PI4KB: variants seen among roughly 807,000 people sequenced by gnomAD.
The protein encoded by PI4KB is PtdIns 4-kinase beta.
In PI4KB, 23 loss-of-function variants were observed where a neutral mutation model predicts 81.4. The observed-to-expected ratio is 0.28, with a 90% CI of 0.20 to 0.40. The LOEUF (loss-of-function observed/expected upper bound fraction) is 0.40. Among genes scored for constraint, PI4KB ranks in the 10% least tolerant of loss-of-function variants. The pLI is 1.00. For missense variants in PI4KB, 651 were observed against 1,036.6 expected, an observed-to-expected ratio of 0.63 and a Z score of 5.11; for synonymous variants, 381 against 406.8, an observed-to-expected ratio of 0.94 and a Z score of 0.76.
intron 1 of PI4KB, among the ~76,000 whole-genome samples, chr1:151,323,142 CATAATT>C (rs1649089522): frequency 2.0e-5 from 3 of 152,164 alleles, no homozygotes; most frequent in Admixed American, 6.6e-5. Context: ...ATAAAAATGA[CATAATT>C]ATATAAATGA....
intron 6 of PI4KB, among the ~76,000 whole-genome samples, chr1:151,302,947 C>A (rs959196941): frequency 6.6e-6 from 1 of 151,756 alleles, no homozygotes; most frequent in Non-Finnish European, 1.5e-5. Context: ...CGCTTTGAGA[C>A]CCCACCTTGA....
At chr1:151,302,035 C>CA in intron 7 of PI4KB, 68 bp from the exon 8 acceptor site, 1 of 1,599,952 alleles carries the variant, frequency 6.3e-7, no homozygotes, top group Non-Finnish European at 8.5e-7. Flanking sequence ...ATGGCTTCCA[C>CA]AAAAAATCCC....
At chr1:151,293,353 C>T in intron 11 of PI4KB, 1 of 1,348,154 alleles carries the variant, frequency 7.4e-7, no homozygotes, top group South Asian at 1.3e-5. Flanking sequence ...CTGAGCTGGG[C>T]ACTTATCTGG....
At position 151,302,828 on chromosome 1, in the gene PI4KB, C is replaced by G. The variant is rs371306651; in HGVS notation, c.1521-530G>C. ...TCGATCTCCTGACCTTATGATCTAC[C>G]CGCCTCAGCCTCCCAAAGTGTTGGG... On this transcript the variant is annotated intron_variant, in intron 6 of 11. Transcript: ENST00000368873. 7.9e-5 allele frequency among the ~76,000 whole-genome samples: 12 copies of G among 151,624 alleles called. No individual in the cohort carries two copies. The South Asian group carries it at 2.5e-3, about 32-fold the overall frequency.
Position 151,306,331 on chromosome 1 carries a change from T to C in PI4KB, c.1215A>G (p.Glu405=), listed in dbSNP as rs769764576. The C allele has an allele frequency of 1.9e-6, 3 of 1,614,040 alleles. No individual in the cohort carries two copies. The South Asian group carries it at 3.3e-5, about 18-fold the overall frequency. The change falls in exon 5 of 12, where the codon GAA becomes GAG. Residue 405 remains glutamate (E), a synonymous_variant. Coordinates refer to ENST00000368873, the MANE Select transcript of PI4KB (RefSeq NM_001369623.2). The part of the protein sequence containing the change: ...APYLIYVEVL[E]CENFDTTSVP... ...CACTGGTGGTGTCAAAGTTTTCACA[T>C]TCAAGGACTTCCACATAAATCAGGT...
At chr1:151,301,648 C>T (rs945231671) in intron 8 of PI4KB, among the ~76,000 whole-genome samples, 196 bp downstream of exon 8, 35 of 152,200 alleles carry the variant, frequency 2.3e-4, no homozygotes, top group African/African-American at 8.4e-4. Context: ...CCACCCGCCT[C>T]GGCCTCCCAA....
intron 9 of PI4KB, among the ~76,000 whole-genome samples, chr1:151,297,547 T>C (rs890484353): frequency 4.6e-5 from 7 of 151,386 alleles, no homozygotes; most frequent in Non-Finnish European, 1.0e-4. Context: ...AAATTTTTTT[T>C]TTTTTTTGAG....
At chr1:151,312,659 T>C (rs1356802651) in intron 2 of PI4KB, among the ~76,000 whole-genome samples, 8 of 152,078 alleles carry the variant, frequency 5.3e-5, no homozygotes, top group Admixed American at 5.2e-4. Context: ...GAAGGATGAG[T>C]AAAAGGAAAA....
intron 1 of PI4KB, chr1:151,325,001 T>TC (rs1326362635): frequency 1.4e-6 from 1 of 695,154 alleles, no homozygotes; most frequent in East Asian, 1.3e-4. Flanking sequence ...TTTTTTTTTT[T>TC]TTTTTCCTGA....
At chr1:151,293,525 C>A in intron 11 of PI4KB, 1 of 789,442 alleles carries the variant, frequency 1.3e-6, no homozygotes, top group South Asian at 1.9e-5. Flanking sequence ...TGGTATACAC[C>A]TGGAGCCTTG....
intron 2 of PI4KB, among the ~76,000 whole-genome samples, chr1:151,312,750 A>G (rs768559611): frequency 2.0e-5 from 3 of 152,250 alleles, no homozygotes; most frequent in Non-Finnish European, 4.4e-5. Flanking sequence ...CTAGTCACTC[A>G]TGCCTGTAAT....
At chr1:151,324,902 G>A (rs1649389273) in intron 1 of PI4KB, 1 of 985,112 alleles carries the variant, frequency 1.0e-6, no homozygotes, top group Non-Finnish European at 1.2e-6. Flanking sequence ...CATTCTCATG[G>A]AGCGTGGACT....
intron 2 of PI4KB, 91 bp from the exon 3 acceptor site, chr1:151,310,346 C>T (rs1222806983): frequency 8.7e-6 from 7 of 803,910 alleles, no homozygotes; most frequent in Admixed American, 4.7e-5. Context: ...CAACTTGGAT[C>T]GTAACTGCTT....
At chr1:151,299,457 G>A (rs1393153257) in intron 8 of PI4KB, among the ~76,000 whole-genome samples, 1 of 152,130 alleles carries the variant, frequency 6.6e-6, no homozygotes, top group Non-Finnish European at 1.5e-5. Flanking sequence ...CAAGGAGGGC[G>A]GATCACCTGA....
rs1422586209 is a variant in PI4KB at position 151,321,082 on chromosome 1, G to C, written c.-28-4573C>G. 2.6e-5 allele frequency among the ~76,000 whole-genome samples: 4 copies of C among 152,156 alleles called. No homozygotes were observed. The South Asian group carries it at 8.3e-4, about 32-fold the overall frequency. Reference sequence around the variant, plus strand: ...CTCACAGACAAAAGAAAAACTCCCAGGGCTCAGCTAAGAATCACATCACAG... The same window carrying C: ...CTCACAGACAAAAGAAAAACTCCCACGGCTCAGCTAAGAATCACATCACAG... On this transcript the variant is annotated intron_variant, in intron 1 of 11. Coordinates refer to ENST00000368873, the MANE Select transcript of PI4KB (RefSeq NM_001369623.2).
chr1:151,316,414 C>T lies in PI4KB; in HGVS notation c.68G>A (p.Gly23Glu), dbSNP rs769663466. ...ACTTAGCAGGGACCCCCCATTATTC[C>T]CTGGTGGGCCAGAAGTGGGCTCAGA... The part of the protein sequence containing the change: ...PTSEPTSGPP[G>E]NNGGSLLSVI... The change falls in exon 2 of 12, where the codon GGG becomes GAG. Residue 23 changes from glycine (G) to glutamate (E), a missense_variant. Physicochemically the swap from Gly to Glu is moderately conservative, Grantham distance 98 (BLOSUM62 -2). Transcript: ENST00000368873. The T allele has an allele frequency of 2.5e-6, 4 of 1,589,570 alleles. No individual in the cohort carries two copies. The highest frequency in any genetic ancestry group is 1.7e-5 in the Admixed American group (1 of 57,406).
chr1:151,304,084 G>T (rs1488852987), intron 5 of PI4KB, among the ~76,000 whole-genome samples: 1 of 152,168 alleles, frequency 6.6e-6, no homozygotes, highest in Non-Finnish European at 1.5e-5. Flanking sequence ...GCTTCTGACA[G>T]TTTCTTCAAT....
At position 151,306,150 on chromosome 1, in the gene PI4KB, C is replaced by G; in HGVS notation, c.1396G>C (p.Glu466Gln). 6.2e-7 allele frequency: 1 copy of G among 1,613,884 alleles called. No homozygotes were observed. The highest frequency in any genetic ancestry group is 8.5e-7 in the Non-Finnish European group (1 of 1,179,774). Residue 466 changes from glutamate (E) to glutamine (Q), a missense_variant, in exon 5 of 12, where the codon GAG (glutamate) becomes CAG (glutamine). Transcript: ENST00000368873. ...DEAWSVDDIG[E>Q]LQVELPEVHT... is the part of the protein sequence containing the mutation. Reference sequence around the variant, plus strand: ...AGCCCTCTCACCTCCACTTGCAGCTCGCCTATGTCATCCACCGACCAGGCC... The same window carrying G: ...AGCCCTCTCACCTCCACTTGCAGCTGGCCTATGTCATCCACCGACCAGGCC...
intron 5 of PI4KB, among the ~76,000 whole-genome samples, chr1:151,305,194 G>A (rs1164255605): frequency 6.6e-6 from 1 of 152,208 alleles, no homozygotes; most frequent in African/African-American, 2.4e-5. Flanking sequence ...TCGAAATCCT[G>A]ACTTCAAGCG....
Sources: gnomAD v4.1 joint callset for allele counts (sites outside exome capture counted in the v4.1 genomes callset) on GRCh38, gnomAD v4.1.1 for gene constraint, MANE v1.5 for transcripts, NCBI Gene and HGNC (gene_info 2026-07-23, HGNC 2026-07-21) for gene names.